Variants in RSPH3 observed in about 807,000 individuals in gnomAD.
RSPH3 encodes radial spoke head protein 3 homolog.
RSPH3 carries 21 observed loss-of-function variants against 43.8 expected under a neutral mutation model. That is an observed-to-expected ratio of 0.48 (90% CI 0.34 to 0.69). The LOEUF (loss-of-function observed/expected upper bound fraction) is 0.69. RSPH3 is among the 30% of genes least tolerant of loss of function. The pLI is 0.01. For missense variants in RSPH3, 487 were observed against 516.0 expected (o/e 0.94, Z 0.54); for synonymous variants, 173 against 179.8 (o/e 0.96, Z 0.30).
In RSPH3 at chr6:158,977,514, T is replaced by A; in HGVS notation, c.*24A>T. The A allele has an allele frequency of 6.4e-7, 1 of 1,571,882 alleles. No individual in the cohort carries two copies. Among genetic ancestry groups the A allele is most frequent in the Non-Finnish European group, 8.6e-7 (1 of 1,163,276 alleles). On this transcript the variant is annotated 3_prime_UTR_variant, in exon 8 of 8. Coordinates refer to ENST00000367069, the MANE Select transcript of RSPH3 (RefSeq NM_031924.8). Reference sequence around the variant, plus strand: ...GCTTGCTGACTTGGCTGTTGATTGGTTTCATGACTTTGAAGCTTCCCTCCT... The same window carrying A: ...GCTTGCTGACTTGGCTGTTGATTGGATTCATGACTTTGAAGCTTCCCTCCT...
chr6:158,993,363 G>A (rs954040152), intron 2 of RSPH3, among the ~76,000 whole-genome samples: 3 of 151,100 alleles, frequency 2.0e-5, no homozygotes, highest in Non-Finnish European at 4.4e-5. Context: ...TGAGCTGCCC[G>A]CCTTGGCCTC....
intron 2 of RSPH3, among the ~76,000 whole-genome samples, chr6:158,992,556 A>G (rs1312139489): frequency 2.0e-5 from 3 of 151,558 alleles, no homozygotes; most frequent in Non-Finnish European, 4.4e-5. Flanking sequence ...GGCCTCCCAA[A>G]CTGCTAGGAT....
At chr6:158,986,035 C>T (rs955202958) in intron 3 of RSPH3, among the ~76,000 whole-genome samples, 1 of 152,046 alleles carries the variant, frequency 6.6e-6, no homozygotes, top group Non-Finnish European at 1.5e-5. Context: ...AGGCTGGTCT[C>T]GAACTCCTGA....
At chr6:158,993,950 A>G (rs1161946010) in intron 1 of RSPH3, 24 bp from the exon 2 acceptor site, 4 of 1,313,894 alleles carry the variant, frequency 3.0e-6, no homozygotes, top group African/African-American at 1.4e-5. Flanking sequence ...AATTCTGTAT[A>G]ACCACTTTAA....
At chr6:158,993,110 G>A (rs78846647) in intron 2 of RSPH3, among the ~76,000 whole-genome samples, 1 of 151,728 alleles carries the variant, frequency 6.6e-6, no homozygotes, top group Non-Finnish European at 1.5e-5. Context: ...CTGTTGAATC[G>A]AATGAAAAAT....
the RSPH3 span, among the ~76,000 whole-genome samples, chr6:158,965,253 T>C: frequency 6.6e-6 from 1 of 152,124 alleles, no homozygotes; most frequent in African/African-American, 2.4e-5. Context: ...CAAGATTGTT[T>C]GGCTACTAAG....
At chr6:158,978,467 G>A (rs1777925234) in intron 6 of RSPH3, 121 bp from the exon 7 acceptor site, 3 of 594,446 alleles carry the variant, frequency 5.0e-6, no homozygotes, top group Non-Finnish European at 8.8e-6. Flanking sequence ...GACTCATACA[G>A]CATAACTTTT....
In RSPH3 at chr6:158,980,757, C is replaced by T; in HGVS notation, c.859+17G>A. The T allele has an allele frequency of 6.3e-7, 1 of 1,599,750 alleles. No individual in the cohort carries two copies. Among genetic ancestry groups the T allele is most frequent in the Non-Finnish European group, 8.6e-7 (1 of 1,168,726 alleles). ...GCTTATTACAACAAAATTAATCTAA[C>T]AAAAATATCTACAAACCTCTTTCAA... is the stretch of plus-strand genomic sequence containing the variant. On this transcript the variant is annotated intron_variant, in intron 6 of 7. Transcript: ENST00000367069.
At chr6:158,980,678 A>T in intron 6 of RSPH3, 96 bp downstream of exon 6, 1 of 970,984 alleles carries the variant, frequency 1.0e-6, no homozygotes, top group South Asian at 1.7e-5. Context: ...AAATAGAAAG[A>T]CTCCAATTCA....
rs1018947391 is a variant in RSPH3 at position 158,976,535 on chromosome 6, A to G, written c.*1003T>C. ...AAGCTATATATTTCTAGATTTTCAA[A>G]TACATTTGTATAGGAATACCTCAAA... On this transcript the variant is annotated 3_prime_UTR_variant, in exon 8 of 8. Coordinates refer to ENST00000367069, the MANE Select transcript of RSPH3 (RefSeq NM_031924.8). 1 of 152,224 alleles carries G rather than the reference A, an allele frequency of 6.6e-6. No individual in the cohort carries two copies. Among genetic ancestry groups the G allele is most frequent in the Non-Finnish European group, 1.5e-5 (1 of 68,036 alleles). The allele number at this position is 152,224 out of a possible 1,614,324, so 9.4% of individuals were successfully genotyped here. A position where few individuals can be genotyped will look rare whatever the true frequency, so the allele number is the denominator to read the frequency against.
In RSPH3 at chr6:158,977,646, A is replaced by G. The variant is rs1311068606; in HGVS notation, c.1149T>C (p.Tyr383=). 8.1e-6 allele frequency: 13 copies of G among 1,613,988 alleles called. No homozygotes were observed. The highest frequency in any genetic ancestry group is 1.1e-5 in the Non-Finnish European group (13 of 1,179,998). The change falls in exon 8 of 8, where the codon TAT becomes TAC. Residue 383 remains tyrosine (Y), a synonymous_variant. Transcript: ENST00000367069. ...TCCTTTCCTGGGATGACCTTCTGTC[A>G]TATGTTGTTCTTTGTAGGTAGCCTC... ...LDGGYLQRTT[Y]DRRSSQERKF... is the part of the protein sequence containing the mutation.
rs1288557097 is a variant in RSPH3, at chr6:158,975,483, T to C, written c.*2055A>G. On this transcript the variant is annotated 3_prime_UTR_variant, in exon 8 of 8. Coordinates refer to ENST00000367069, the MANE Select transcript of RSPH3 (RefSeq NM_031924.8). ...ATTCCCTACTAGGCTCGTCATCTAT[T>C]GCAAATCACTTTAAATTCCTGAGCT... is the stretch of plus-strand genomic sequence containing the variant. 2 of 152,238 alleles carry C rather than the reference T, an allele frequency of 1.3e-5. No individual in the cohort carries two copies. The highest frequency in any genetic ancestry group is 1.9e-4 in the East Asian group (1 of 5,206). 9.4% of individuals were successfully genotyped at this position (152,238 alleles called of 1,614,324 possible).
downstream of RSPH3, among the ~76,000 whole-genome samples, chr6:158,971,996 C>T (rs1018038233): frequency 6.6e-6 from 1 of 151,750 alleles, no homozygotes; most frequent in Non-Finnish European, 1.5e-5. Flanking sequence ...TGGTGAATCT[C>T]ATTGGGAGAA....
intron 5 of RSPH3, among the ~76,000 whole-genome samples, 197 bp from the exon 6 acceptor site, chr6:158,981,133 A>G (rs575279027): frequency 6.6e-6 from 1 of 152,316 alleles, no homozygotes; most frequent in East Asian, 1.9e-4. Context: ...GGAAGTTATG[A>G]AAGATGGAAT....
At position 158,986,432 on chromosome 6, in the gene RSPH3, T is replaced by G; in HGVS notation, c.205-11A>C. 5.0e-6 allele frequency: 8 copies of G among 1,596,500 alleles called. No individual in the cohort carries two copies. Among genetic ancestry groups the G allele is most frequent in the Non-Finnish European group, 6.8e-6 (8 of 1,173,934 alleles). ...ATCAGGCCGTCCGAGCTAACAGTGA[T>G]AGAAAATACTTCTAGAATTTAGAAA... is the stretch of plus-strand genomic sequence containing the variant. On this transcript the variant is annotated splice_polypyrimidine_tract_variant and intron_variant, in intron 2 of 7. Coordinates refer to ENST00000367069, the MANE Select transcript of RSPH3 (RefSeq NM_031924.8).
intron 1 of RSPH3, among the ~76,000 whole-genome samples, chr6:158,996,725 A>G (rs1336045009): frequency 6.6e-6 from 1 of 152,264 alleles, no homozygotes; most frequent in Non-Finnish European, 1.5e-5. Flanking sequence ...ATTCTAGGAT[A>G]GAGACAGATT....
At chr6:158,983,063 T>C (rs905299017) in intron 4 of RSPH3, among the ~76,000 whole-genome samples, 2 of 152,216 alleles carry the variant, frequency 1.3e-5, no homozygotes, top group African/African-American at 4.8e-5. Flanking sequence ...CTAGGATTTA[T>C]AGGCAAATAT....
At position 158,999,967 on chromosome 6, in the gene RSPH3, T is replaced by C. The variant is rs775284185; in HGVS notation, c.-417A>G. Reference sequence around the variant, plus strand: ...GCTAGGGAGGCGGCCTTGGCTGGCTTGACCGTCATCCTTGAGGCCTGCGGG... The same window carrying C: ...GCTAGGGAGGCGGCCTTGGCTGGCTCGACCGTCATCCTTGAGGCCTGCGGG... On this transcript the variant is annotated 5_prime_UTR_variant, in exon 1 of 8. Transcript: ENST00000367069. 1 of 1,595,720 alleles carries C rather than the reference T, an allele frequency of 6.3e-7. No homozygotes were observed.
In RSPH3 at chr6:158,982,494, T is replaced by C; in HGVS notation, c.687A>G (p.Arg229=). The change falls in exon 5 of 8, where the codon CGA becomes CGG. Residue 229 remains arginine (R), a synonymous_variant. Coordinates refer to ENST00000367069, the MANE Select transcript of RSPH3 (RefSeq NM_031924.8). ...QRLEEQERRH[R]EEKERRKKQQ... ...ATATAATTATATATACTTTTTCTTC[T>C]CGGTGTCGCCTCTCTTGCTCTTCAA... 1 of 1,601,878 alleles carries C rather than the reference T, an allele frequency of 6.2e-7. No individual in the cohort carries two copies. Among genetic ancestry groups the C allele is most frequent in the Non-Finnish European group, 8.5e-7 (1 of 1,175,580 alleles).
Sources: gnomAD v4.1 joint callset for allele counts (sites outside exome capture counted in the v4.1 genomes callset) on GRCh38, gnomAD v4.1.1 for gene constraint, MANE v1.5 for transcripts, NCBI Gene and HGNC (gene_info 2026-07-23, HGNC 2026-07-21) for gene names.